The following CSE1L variants were observed in gnomAD, a reference collection of about 807,000 sequenced individuals.
CSE1L encodes the protein chromosome segregation 1 like, also known as exportin-2.
A neutral mutation model predicts 120.4 loss-of-function variants in CSE1L; 24 were observed. The ratio of observed to expected loss-of-function variants is 0.20; its 90% CI spans 0.14 to 0.28. The LOEUF (loss-of-function observed/expected upper bound fraction) is 0.28. CSE1L is among the 10% of genes least tolerant of loss of function. CSE1L has a pLI of 1.00. For missense variants in CSE1L, 830 were observed against 1,145.2 expected (o/e 0.72, Z 3.97); for synonymous variants, 402 against 398.3 (o/e 1.01, Z -0.11).
At chr20:49,088,985 G>A (rs2092081056) in intron 17 of CSE1L, among the ~76,000 whole-genome samples, 1 of 152,108 alleles carries the variant, frequency 6.6e-6, no homozygotes, top group Non-Finnish European at 1.5e-5. Flanking sequence ...TTTCTTCTCT[G>A]CGAGGGCACG....
At chr20:49,055,585 A>ATT (rs1245526792) in intron 1 of CSE1L, among the ~76,000 whole-genome samples, 1 of 152,000 alleles carries the variant, frequency 6.6e-6, no homozygotes, top group African/African-American at 2.4e-5. Flanking sequence ...GGCATGGTTG[A>ATT]TTGCGCCTGT....
chr20:49,072,382 T>C lies in CSE1L; in HGVS notation c.865T>C (p.Tyr289His). ...AAAGTACGATGAAGAATTCCAGCGA[T>C]ACCTGCCTCGTTTTGTTACAGCCAT... is the stretch of plus-strand genomic sequence containing the variant. ...AQKYDEEFQR[Y>H]LPRFVTAIWN... is the part of the protein sequence containing the mutation. Residue 289 changes from tyrosine (Y) to histidine (H), a missense_variant, in exon 9 of 25, where the codon TAC becomes CAC. Tyr to His is a moderately conservative substitution (Grantham distance 83). Coordinates refer to ENST00000262982, the MANE Select transcript of CSE1L (RefSeq NM_001316.4). 9.3e-6 allele frequency: 15 copies of C among 1,614,226 alleles called. No individual in the cohort carries two copies. The highest frequency in any genetic ancestry group is 1.1e-5 in the Non-Finnish European group (13 of 1,180,030).
rs184728679 is a variant in CSE1L, at chr20:49,071,731, G to A, written c.769-555G>A. 1.8e-3 allele frequency among the ~76,000 whole-genome samples: 271 copies of A among 152,048 alleles called. 1 individual carries two copies. Among genetic ancestry groups the A allele is most frequent in the African/African-American group, 5.9e-3 (245 of 41,488 alleles). ...GGCTTGGCCCGTCGCAGTGGCCCAC[G>A]CCTATAATCCCAGCACTTTGGGAGG... On this transcript the variant is annotated intron_variant, in intron 8 of 24. Transcript: ENST00000262982.
chr20:49,061,978 G>A lies in CSE1L; in HGVS notation c.86-1224G>A, dbSNP rs375156127. Among the ~76,000 whole-genome samples, 15 of 152,238 alleles carry A rather than the reference G, an allele frequency of 9.9e-5. 1 individual carries two copies. The highest frequency in any genetic ancestry group is 8.3e-4 in the South Asian group (4 of 4,816). ...CCTTTTGAGACTCCTTGAGTGCGCA[G>A]AAACATATGCATGTGAATATTGTGA... On this transcript the variant is annotated intron_variant, in intron 2 of 24. Coordinates refer to ENST00000262982, the MANE Select transcript of CSE1L (RefSeq NM_001316.4).
At chr20:49,049,590 A>G (rs924515936) in intron 1 of CSE1L, among the ~76,000 whole-genome samples, 2 of 152,216 alleles carry the variant, frequency 1.3e-5, no homozygotes, top group African/African-American at 4.8e-5. Context: ...TTGTGGTTGC[A>G]TAAGATAATT....
chr20:49,048,584 G>T (rs749925385), intron 1 of CSE1L, among the ~76,000 whole-genome samples: 1 of 152,156 alleles, frequency 6.6e-6, no homozygotes, highest in Non-Finnish European at 1.5e-5. Flanking sequence ...AACATTCCAG[G>T]TAGAGGGAAT....
At chr20:49,047,440 TTTG>T (rs1433458584) in intron 1 of CSE1L, among the ~76,000 whole-genome samples, 1 of 152,074 alleles carries the variant, frequency 6.6e-6, no homozygotes, top group Admixed American at 6.6e-5. Context: ...GCACATGCCT[TTTG>T]TTTGCTGGGG....
intron 1 of CSE1L, among the ~76,000 whole-genome samples, chr20:49,048,699 G>T (rs1406524072): frequency 6.6e-6 from 1 of 152,148 alleles, no homozygotes; most frequent in Non-Finnish European, 1.5e-5. Flanking sequence ...AAATATCCAG[G>T]ACCCGGATCA....
At chr20:49,091,908 C>G in intron 21 of CSE1L, 138 bp from the exon 22 acceptor site, 1 of 617,282 alleles carries the variant, frequency 1.6e-6, no homozygotes, top group Non-Finnish European at 2.9e-6. Flanking sequence ...GACAAGTTTT[C>G]TATTTACTAG....
At chr20:49,058,200 A>G (rs1262108642) in intron 1 of CSE1L, among the ~76,000 whole-genome samples, 1 of 151,090 alleles carries the variant, frequency 6.6e-6, no homozygotes, top group Non-Finnish European at 1.5e-5. Flanking sequence ...TTTTTTTTCT[A>G]TGACTATCTT....
chr20:49,075,165 ATAGC>A (rs2091960302), intron 11 of CSE1L, among the ~76,000 whole-genome samples, 149 bp from the exon 12 acceptor site: 2 of 151,292 alleles, frequency 1.3e-5, no homozygotes, highest in South Asian at 4.2e-4. Flanking sequence ...TGTGTTGCTG[ATAGC>A]TATTGGGTGG....
intron 3 of CSE1L, among the ~76,000 whole-genome samples, chr20:49,064,703 A>G (rs1197426928): frequency 1.3e-5 from 2 of 152,106 alleles, no homozygotes; most frequent in Non-Finnish European, 2.9e-5. Flanking sequence ...ACAGTGCCAG[A>G]CACTGTCTTT....
intron 1 of CSE1L, among the ~76,000 whole-genome samples, chr20:49,054,304 T>G (rs750213914): frequency 1.3e-5 from 2 of 152,212 alleles, no homozygotes; most frequent in Non-Finnish European, 2.9e-5. Flanking sequence ...GGTTTCTGGC[T>G]GTTGGGGAGT....
rs753988908 is a variant in CSE1L, at chr20:49,084,096, T to C, written c.1553T>C (p.Val518Ala). ...CATCTTCAAGCTGAAAGTATTGTTG[T>C]TCATACTTACGCAGCTCATGCTCTT... ...INHLQAESIV[V>A]HTYAAHALER... Residue 518 changes from valine to alanine, a missense_variant, in exon 15 of 25, where the codon GTT becomes GCT. Coordinates refer to ENST00000262982, the MANE Select transcript of CSE1L (RefSeq NM_001316.4). 6.2e-7 allele frequency: 1 copy of C among 1,613,820 alleles called. No homozygotes were observed. The highest frequency in any genetic ancestry group is 1.3e-5 in the African/African-American group (1 of 74,938).
intron 16 of CSE1L, among the ~76,000 whole-genome samples, chr20:49,086,539 A>G (rs1206820566): frequency 3.3e-5 from 5 of 151,046 alleles, no homozygotes; most frequent in Non-Finnish European, 5.9e-5. Context: ...CTAATTTTGT[A>G]TTTTTAGTAG....
intron 14 of CSE1L, among the ~76,000 whole-genome samples, chr20:49,081,743 A>C (rs574471903): frequency 6.6e-6 from 1 of 152,252 alleles, no homozygotes; most frequent in South Asian, 2.1e-4. Context: ...AGGTCACTTT[A>C]ATTGTACTGA....
intron 14 of CSE1L, among the ~76,000 whole-genome samples, chr20:49,080,266 T>G (rs1006367978): frequency 6.6e-6 from 1 of 150,562 alleles, no homozygotes; most frequent in African/African-American, 2.4e-5. Context: ...TTTTTATTTT[T>G]TTTGTTTTTT....
chr20:49,087,321 A>G (rs988339980), intron 16 of CSE1L, among the ~76,000 whole-genome samples: 1 of 132,210 alleles, frequency 7.6e-6, no homozygotes, highest in Non-Finnish European at 1.6e-5. Context: ...AGGGCTAAAC[A>G]TTTTCTGATG....
chr20:49,078,339 A>G (rs574041329), intron 13 of CSE1L, among the ~76,000 whole-genome samples: 16 of 152,356 alleles, frequency 1.1e-4, no homozygotes, highest in South Asian at 2.1e-4. Flanking sequence ...TTTTTACTCA[A>G]TTATGTAATA....
Sources: gnomAD v4.1 joint callset for allele counts (sites outside exome capture counted in the v4.1 genomes callset) on GRCh38, gnomAD v4.1.1 for gene constraint, MANE v1.5 for transcripts, NCBI Gene and HGNC (gene_info 2026-07-23, HGNC 2026-07-21) for gene names.